Variants in CC2D2B observed in about 807,000 individuals in gnomAD.
The protein encoded by CC2D2B is protein CC2D2B.
In CC2D2B, 128 loss-of-function variants were observed where a neutral mutation model predicts 161.2. The observed-to-expected ratio is 0.79, with a 90% CI of 0.69 to 0.92. The LOEUF (loss-of-function observed/expected upper bound fraction) is 0.92. CC2D2B is among the 40% of genes least tolerant of loss of function. The pLI is 0.00. For missense variants in CC2D2B, 1,173 were observed against 1,375.1 expected, an observed-to-expected ratio of 0.85 and a Z score of 2.32; for synonymous variants, 391 against 449.8, an observed-to-expected ratio of 0.87 and a Z score of 1.65.
At chr10:95,997,495 C>T (rs1181100001) in intron 24 of CC2D2B, among the ~76,000 whole-genome samples, 7 of 152,070 alleles carry the variant, frequency 4.6e-5, no homozygotes, top group Non-Finnish European at 8.8e-5. Context: ...TTAAGTGATT[C>T]TCCTGCCTCA....
At chr10:95,924,527 C>A (rs35567904) in intron 4 of CC2D2B, 137 bp downstream of exon 4, 57,458 of 575,176 alleles carry the variant, frequency 0.1, 2,830 homozygotes, top group Middle Eastern at 0.12. Context: ...TCCTCTCTCT[C>A]TCTATATATA....
chr10:96,029,274 A>G (rs867241045), intron 34 of CC2D2B, among the ~76,000 whole-genome samples: 27 of 65,206 alleles, frequency 4.1e-4, no homozygotes, highest in African/African-American at 7.9e-4. Context: ...ATATATATAT[A>G]TATATATATA....
chr10:96,012,528 G>T lies in CC2D2B; in HGVS notation c.3229-4G>T, dbSNP rs200991722. 150 of 1,583,580 alleles carry T rather than the reference G, an allele frequency of 9.5e-5. No individual in the cohort carries two copies. The Admixed American group carries it at 2.5e-3, about 26-fold the overall frequency. On this transcript the variant is annotated splice_region_variant and splice_polypyrimidine_tract_variant and intron_variant, in intron 27 of 34. Transcript: ENST00000646931. ...ATTCTGAAATACTTTACATTTTATT[G>T]TAGTTTTTAGATCAAACAGAGGTCT... is the stretch of plus-strand genomic sequence containing the variant.
At chr10:95,972,952 T>A (rs1346048190) in intron 16 of CC2D2B, among the ~76,000 whole-genome samples, 2 of 151,944 alleles carry the variant, frequency 1.3e-5, no homozygotes, top group East Asian at 3.9e-4. Context: ...AAAGAAGGGA[T>A]GTTTCTGTTA....
At chr10:95,938,746 G>A in intron 8 of CC2D2B, 41 bp downstream of exon 8, 1 of 703,414 alleles carries the variant, frequency 1.4e-6, no homozygotes, top group Non-Finnish European at 2.6e-6. Context: ...TGGCTACTAT[G>A]TGACTTATTT....
intron 30 of CC2D2B, among the ~76,000 whole-genome samples, chr10:96,016,690 G>A (rs571008541): frequency 7.2e-5 from 11 of 152,160 alleles, no homozygotes; most frequent in South Asian, 2.1e-4. Context: ...GTTATCCATC[G>A]TTACCACCAT....
At chr10:95,928,715 T>C (rs916306395) in intron 6 of CC2D2B, among the ~76,000 whole-genome samples, 16 of 150,930 alleles carry the variant, frequency 1.1e-4, no homozygotes, top group African/African-American at 3.9e-4. Context: ...GCTTCATCCA[T>C]GTCCCTGCAA....
At chr10:96,019,432 T>G in intron 31 of CC2D2B, 95 bp downstream of exon 31, 1 of 1,220,570 alleles carries the variant, frequency 8.2e-7, no homozygotes, top group Non-Finnish European at 1.1e-6. Flanking sequence ...ATATAGATAG[T>G]CTATCAGATT....
chr10:96,002,200 T>C (rs1275796737), intron 24 of CC2D2B, among the ~76,000 whole-genome samples: 1 of 152,078 alleles, frequency 6.6e-6, no homozygotes, highest in Non-Finnish European at 1.5e-5. Flanking sequence ...AGCAGTGAAA[T>C]AGGCCAAGAA....
At chr10:95,941,071 G>C (rs991553682) in intron 9 of CC2D2B, among the ~76,000 whole-genome samples, 7 of 152,022 alleles carry the variant, frequency 4.6e-5, no homozygotes, top group African/African-American at 1.7e-4. Context: ...TCAAGAGGGT[G>C]CCAAGACTAC....
chr10:96,000,316 C>A (rs2078423170), intron 24 of CC2D2B: 1 of 459,474 alleles, frequency 2.2e-6, no homozygotes, highest in Non-Finnish European at 2.9e-6. Flanking sequence ...ATTGTTTCGT[C>A]TGTCTTTATT....
intron 30 of CC2D2B, among the ~76,000 whole-genome samples, chr10:96,017,448 G>A (rs1387671355): frequency 6.6e-6 from 1 of 152,174 alleles, no homozygotes; most frequent in Non-Finnish European, 1.5e-5. Flanking sequence ...GTTAGTACCT[G>A]TGGACCAACA....
At chr10:95,926,380 T>C (rs964130670) in intron 5 of CC2D2B, among the ~76,000 whole-genome samples, 1 of 152,138 alleles carries the variant, frequency 6.6e-6, no homozygotes, top group South Asian at 2.1e-4. Context: ...GGTAAAAGTA[T>C]ATACTGACAA....
intron 2 of CC2D2B, among the ~76,000 whole-genome samples, chr10:95,912,601 G>A (rs1032196577): frequency 1.1e-4 from 17 of 152,254 alleles, no homozygotes; most frequent in African/African-American, 3.9e-4. Flanking sequence ...CAAAAAATAA[G>A]GTTGCTGAAC....
At chr10:95,937,363 G>A (rs2075860657) in intron 6 of CC2D2B, among the ~76,000 whole-genome samples, 1 of 152,072 alleles carries the variant, frequency 6.6e-6, no homozygotes, top group South Asian at 2.1e-4. Context: ...TTCATGAATA[G>A]ACTCATTAAA....
chr10:95,915,654 A>C (rs1184144955), intron 2 of CC2D2B, among the ~76,000 whole-genome samples: 1 of 152,188 alleles, frequency 6.6e-6, no homozygotes, highest in African/African-American at 2.4e-5. Flanking sequence ...CATCAATTGA[A>C]ATAATCATAT....
rs138330203 is a variant in CC2D2B, at chr10:95,923,249, T to TTGTGTG, written c.98-1050_98-1045dup. ...GAGCCACTGTGCCCAGCCCCCAAAT[T>TTGTGTG]TGTGTGTGTGTGTGTGTGTGGAGAC... is the stretch of plus-strand genomic sequence containing the variant. On this transcript the variant is annotated intron_variant, in intron 3 of 34. Transcript: ENST00000646931. Among the ~76,000 whole-genome samples, 707 of 150,514 alleles carry TTGTGTG rather than the reference T, an allele frequency of 4.7e-3. 5 individuals carry two copies. Among genetic ancestry groups the TTGTGTG allele is most frequent in the African/African-American group, 0.016 (654 of 41,020 alleles).
intron 14 of CC2D2B, among the ~76,000 whole-genome samples, chr10:95,966,536 T>C (rs2076946590): frequency 6.6e-6 from 1 of 152,048 alleles, no homozygotes; most frequent in Non-Finnish European, 1.5e-5. Context: ...ACACATCTAA[T>C]ACATGCCTGA....
chr10:96,019,912 T>C, intron 32 of CC2D2B, 88 bp downstream of exon 32: 1 of 1,244,590 alleles, frequency 8.0e-7, no homozygotes, highest in South Asian at 1.7e-5. Context: ...TTATGTTTTA[T>C]AGTTGGTTGG....
Sources: allele counts gnomAD v4.1 joint callset (sites outside exome capture counted in the v4.1 genomes callset), GRCh38; gene constraint gnomAD v4.1.1; transcripts MANE v1.5; gene names NCBI Gene and HGNC (gene_info 2026-07-23, HGNC 2026-07-21).